Variants in PRKCH observed in about 807,000 individuals in gnomAD.
PRKCH encodes the protein protein kinase C eta type.
PRKCH carries 28 observed loss-of-function variants against 82.5 expected under a neutral mutation model. That is an observed-to-expected ratio of 0.34 (90% confidence interval 0.25 to 0.47). The LOEUF is 0.47. Ranked by LOEUF, PRKCH falls within the 20% of genes least tolerant of loss-of-function variation. PRKCH has a pLI of 1.00. For missense variants in PRKCH, 705 were observed against 881.8 expected, an observed-to-expected ratio of 0.80 and a Z score of 2.54; for synonymous variants, 322 against 327.4, an observed-to-expected ratio of 0.98 and a Z score of 0.18.
intron 1 of PRKCH, among the ~76,000 whole-genome samples, chr14:61,211,305 C>T (rs1319983166): frequency 1.3e-5 from 2 of 152,222 alleles, no homozygotes; most frequent in African/African-American, 4.8e-5. Context: ...ATGGCACCTA[C>T]GCCAACCTTC....
rs181169324 is a variant in PRKCH, at chr14:61,388,899, G to A, written c.364-2326G>A. Among the ~76,000 whole-genome samples the A allele has an allele frequency of 2.6e-5, 4 of 152,302 alleles. No individual in the cohort carries two copies. The East Asian group carries it at 7.7e-4, about 29-fold the overall frequency. ...CAGGTTTTATGCAGAGAAAGGGTGG[G>A]TTGTAAGAATAGGTTGTTATACAGG... On this transcript the variant is annotated intron_variant, in intron 1 of 13. Transcript: ENST00000332981.
intron 10 of PRKCH, among the ~76,000 whole-genome samples, chr14:61,493,470 AACTTGATC>A (rs1886541196): frequency 6.6e-6 from 1 of 152,214 alleles, no homozygotes; most frequent in African/African-American, 2.4e-5. Context: ...AATTGGCCAG[AACTTGATC>A]ATATGGCTGA....
intron 1 of PRKCH, among the ~76,000 whole-genome samples, chr14:61,310,792 G>A (rs146036808): frequency 4.4e-4 from 67 of 152,360 alleles, no homozygotes; most frequent in African/African-American, 1.5e-3. Flanking sequence ...CTCTGCCCTA[G>A]CAGCAAACTT....
intron 2 of PRKCH, among the ~76,000 whole-genome samples, chr14:61,402,966 C>T (rs779914040): frequency 1.2e-4 from 18 of 151,596 alleles, no homozygotes; most frequent in Non-Finnish European, 1.8e-4. Context: ...CATGCTGGTG[C>T]GCTGCACCCA....
chr14:61,365,028 A>G (rs1215952389), intron 1 of PRKCH, among the ~76,000 whole-genome samples: 1 of 151,936 alleles, frequency 6.6e-6, no homozygotes, highest in African/African-American at 2.4e-5. Context: ...TGGCCATGGG[A>G]ATGGCTGAGA....
At chr14:61,547,667 G>A (rs1435264812) in intron 12 of PRKCH, 76 bp from the exon 13 acceptor site, 1 of 1,535,364 alleles carries the variant, frequency 6.5e-7, no homozygotes, top group East Asian at 2.3e-5. Flanking sequence ...CCTCTGCCAT[G>A]GCTGATGCCT....
chr14:61,447,341 C>G (rs1047156341), intron 4 of PRKCH, among the ~76,000 whole-genome samples: 2 of 152,206 alleles, frequency 1.3e-5, no homozygotes, highest in Admixed American at 1.3e-4. Flanking sequence ...AACAAATCCA[C>G]TTCTATAGTT....
chr14:61,248,671 T>C (rs928917469), intron 1 of PRKCH, among the ~76,000 whole-genome samples: 16 of 152,198 alleles, frequency 1.1e-4, no homozygotes, highest in Admixed American at 3.3e-4. Context: ...ACCTCCTGCC[T>C]CACCACTGCA....
chr14:61,324,360 A>G (rs534696549), intron 1 of PRKCH, among the ~76,000 whole-genome samples: 1 of 152,338 alleles, frequency 6.6e-6, no homozygotes, highest in East Asian at 1.9e-4. Flanking sequence ...TGTTTTGGAA[A>G]ACGTTGAGTG....
chr14:61,322,025 G>T lies in PRKCH; in HGVS notation c.-77G>T. On this transcript the variant is annotated 5_prime_UTR_variant, in exon 1 of 14. Transcript: ENST00000332981. The stretch of plus-strand genomic sequence containing the variant: ...CTCGACTCCTGCACCTGTCCCGAGG[G>T]CTGGCCTGAGACGGGACTCCCGGTT... The T allele has an allele frequency of 6.9e-7, 1 of 1,449,294 alleles. No individual in the cohort carries two copies. Among genetic ancestry groups the T allele is most frequent in the Non-Finnish European group, 9.2e-7 (1 of 1,088,700 alleles). 89.8% of individuals were successfully genotyped at this position (1,449,294 alleles called of 1,614,324 possible). A position where few individuals can be genotyped will look rare whatever the true frequency, so the allele number is the denominator to read the frequency against.
In PRKCH at chr14:61,280,432, T is replaced by C. The variant is rs1370925513; in HGVS notation, c.-19+92764T>C. ...ATTGATGAAGCCGGTGTTGTTGGGGTCGGGGCTGAGCTCGTAGACTGGCCG... is the reference window on the plus strand; with the variant it reads ...ATTGATGAAGCCGGTGTTGTTGGGGCCGGGGCTGAGCTCGTAGACTGGCCG... On this transcript the variant is annotated intron_variant, in intron 1 of 3. Transcript: ENST00000555185. The surrounding 1 kb of genome is among the most constrained non-coding windows in gnomAD (Gnocchi z 5.0). The C allele has an allele frequency of 3.1e-6, 5 of 1,613,880 alleles. No individual in the cohort carries two copies. Among genetic ancestry groups the C allele is most frequent in the Middle Eastern group, 1.6e-4 (1 of 6,062 alleles).
At chr14:61,392,999 C>CATTTATTAAAAGGAG (rs1431255643) in intron 2 of PRKCH, among the ~76,000 whole-genome samples, 3 of 151,940 alleles carry the variant, frequency 2.0e-5, no homozygotes, top group African/African-American at 7.3e-5. Context: ...TAAAAGTCTC[C>CATTTATTAAAAGGAG]CCTGGCCCCT....
At chr14:61,529,044 C>G in intron 10 of PRKCH, 31 bp from the exon 11 acceptor site, 1 of 1,552,382 alleles carries the variant, frequency 6.4e-7, no homozygotes, top group East Asian at 2.3e-5. Context: ...GTCTGGCTGC[C>G]CTATCTCGTG....
At chr14:61,283,708 G>T (rs999629182) in intron 1 of PRKCH, among the ~76,000 whole-genome samples, 2 of 152,080 alleles carry the variant, frequency 1.3e-5, no homozygotes, top group African/African-American at 4.8e-5. Flanking sequence ...AATTATCTGG[G>T]TGTGGTGGCA....
intron 1 of PRKCH, among the ~76,000 whole-genome samples, chr14:61,199,428 C>G (rs1405772369): frequency 6.6e-6 from 1 of 152,200 alleles, no homozygotes; most frequent in African/African-American, 2.4e-5. Context: ...ATGAAGTGCC[C>G]TCTGCTCTGG....
chr14:61,202,394 G>A (rs2044488468), intron 1 of PRKCH, among the ~76,000 whole-genome samples: 1 of 152,190 alleles, frequency 6.6e-6, no homozygotes, highest in Non-Finnish European at 1.5e-5. Context: ...CCTTAAGGGT[G>A]GATGGGGTAC....
chr14:61,399,660 A>C (rs1881493912), intron 2 of PRKCH, among the ~76,000 whole-genome samples: 1 of 152,330 alleles, frequency 6.6e-6, no homozygotes, highest in Admixed American at 6.5e-5. Context: ...GCAGTTGCGA[A>C]GTTTAATTTT....
chr14:61,501,201 A>T (rs1886891080), intron 10 of PRKCH, among the ~76,000 whole-genome samples: 1 of 152,196 alleles, frequency 6.6e-6, no homozygotes, highest in Non-Finnish European at 1.5e-5. Context: ...CAAATCCTCC[A>T]TATACATTAT....
chr14:61,391,365 AT>A, intron 2 of PRKCH, 77 bp downstream of exon 2: 1 of 1,264,374 alleles, frequency 7.9e-7, no homozygotes, highest in Non-Finnish European at 1.1e-6. Context: ...TATCATGGAC[AT>A]TATAAAAAAG....
Sources: allele counts gnomAD v4.1 joint callset (sites outside exome capture counted in the v4.1 genomes callset), GRCh38; gene constraint gnomAD v4.1.1; non-coding constraint Gnocchi (gnomAD v3.1); transcripts MANE v1.5; gene names NCBI Gene and HGNC (gene_info 2026-07-23, HGNC 2026-07-21).